PALM2AKAP2: variants seen among roughly 807,000 people sequenced by gnomAD.
PALM2AKAP2 encodes PALM2 and AKAP2 fusion, also known as PALM2-AKAP2 fusion protein.
A neutral mutation model predicts 71.5 loss-of-function variants in PALM2AKAP2; 37 were observed. The ratio of observed to expected loss-of-function variants is 0.52; its 90% confidence interval spans 0.40 to 0.68. The LOEUF (loss-of-function observed/expected upper bound fraction) is 0.68. Ranked by LOEUF, PALM2AKAP2 falls within the 30% of genes least tolerant of loss-of-function variation. The pLI is 0.00. For synonymous variants in PALM2AKAP2, 468 were observed against 478.8 expected, an observed-to-expected ratio of 0.98 and a Z score of 0.29; for missense variants, 1,224 against 1,191.8, an observed-to-expected ratio of 1.03 and a Z score of -0.40.
At chr9:110,023,767 G>A (rs1833122255) in intron 7 of PALM2AKAP2, among the ~76,000 whole-genome samples, 1 of 151,894 alleles carries the variant, frequency 6.6e-6, no homozygotes, top group Admixed American at 6.6e-5. Flanking sequence ...CAAGGTGGGT[G>A]GATCGCTTGA....
chr9:109,730,482 C>T (rs1828539927), intron 1 of PALM2AKAP2, among the ~76,000 whole-genome samples: 1 of 152,154 alleles, frequency 6.6e-6, no homozygotes, highest in Non-Finnish European at 1.5e-5. Context: ...CCTGAGGCTG[C>T]ATCACTGGGA....
At chr9:110,052,297 T>C (rs1173579604) in intron 1 of PALM2AKAP2, among the ~76,000 whole-genome samples, 3 of 152,216 alleles carry the variant, frequency 2.0e-5, no homozygotes, top group Non-Finnish European at 4.4e-5. Context: ...GTTTCTCTCA[T>C]TGGCATGAGC....
At chr9:110,037,973 C>G (rs1833442775) in intron 7 of PALM2AKAP2, among the ~76,000 whole-genome samples, 1 of 152,056 alleles carries the variant, frequency 6.6e-6, no homozygotes, top group Non-Finnish European at 1.5e-5. Context: ...GGGATCAAGC[C>G]CAAGTCATTG....
chr9:110,054,546 A>G (rs745501530), intron 1 of PALM2AKAP2, among the ~76,000 whole-genome samples: 1 of 152,208 alleles, frequency 6.6e-6, no homozygotes, highest in African/African-American at 2.4e-5. Context: ...GATGCAAATG[A>G]TAAGTAAATA....
chr9:109,768,724 G>A (rs1323917973), intron 1 of PALM2AKAP2, among the ~76,000 whole-genome samples: 1 of 152,182 alleles, frequency 6.6e-6, no homozygotes, highest in Admixed American at 6.5e-5. Flanking sequence ...GATAATAATA[G>A]TGCTACTCTC....
intron 1 of PALM2AKAP2, among the ~76,000 whole-genome samples, chr9:109,793,932 A>G (rs1384689811): frequency 6.6e-6 from 1 of 152,210 alleles, no homozygotes; most frequent in Non-Finnish European, 1.5e-5. Flanking sequence ...TAATTAAAAC[A>G]GAGACTCTAT....
rs145813966 is a variant in PALM2AKAP2 at position 109,752,410 on chromosome 9, C to G, written c.6-28078C>G. Among the ~76,000 whole-genome samples, 48 of 152,242 alleles carry G rather than the reference C, an allele frequency of 3.2e-4. No homozygotes were observed. The East Asian group carries it at 9.1e-3, about 29-fold the overall frequency. ...GGATGGGTCCTGAGAGTCTGCATTT[C>G]TAAGGAGCTCCCATGTGAGGCCAAT... On this transcript the variant is annotated intron_variant, in intron 1 of 6. Coordinates refer to the PALM2AKAP2 transcript ENST00000374531.
intron 1 of PALM2AKAP2, among the ~76,000 whole-genome samples, chr9:109,859,275 G>A (rs1377747137): frequency 1.3e-5 from 2 of 152,214 alleles, no homozygotes; most frequent in South Asian, 2.1e-4. Flanking sequence ...GTGGAGAAGG[G>A]AGTGTGTGTA....
At chr9:109,766,780 G>A (rs1166106194) in intron 1 of PALM2AKAP2, among the ~76,000 whole-genome samples, 2 of 152,142 alleles carry the variant, frequency 1.3e-5, no homozygotes, top group Non-Finnish European at 2.9e-5. Flanking sequence ...ACCTTCTCAT[G>A]AACCCCATAA....
At chr9:109,948,307 C>T (rs1324006980) in intron 6 of PALM2AKAP2, among the ~76,000 whole-genome samples, 7 of 152,162 alleles carry the variant, frequency 4.6e-5, no homozygotes, top group Admixed American at 2.6e-4. Context: ...GCTCCTTAGA[C>T]CAGCTTCCCC....
At position 110,156,692 on chromosome 9, in the gene PALM2AKAP2, G is replaced by T. The variant is rs187634510; in HGVS notation, c.2748+195G>T. On this transcript the variant is annotated intron_variant, in intron 3 of 3. Coordinates refer to ENST00000374525, the Ensembl canonical transcript of PALM2AKAP2. ...TTGCCTGTTTCAAAAAAAAATTGTT[G>T]ATCTTGCAGGGAGCTGGTCCTTTGC... Among the ~76,000 whole-genome samples, 308 of 152,252 alleles carry T rather than the reference G, an allele frequency of 2.0e-3. 1 individual carries two copies. Among genetic ancestry groups the T allele is most frequent in the Middle Eastern group, 6.8e-3 (2 of 294 alleles).
chr9:109,651,554 A>T (rs2132232942), intron 1 of PALM2AKAP2, among the ~76,000 whole-genome samples: 2 of 152,290 alleles, frequency 1.3e-5, no homozygotes, highest in South Asian at 4.2e-4. Flanking sequence ...ACAGCATGTG[A>T]GGATAGAAGC....
exon 2 of PALM2AKAP2, chr9:110,136,536 C>T: frequency 6.2e-7 from 1 of 1,613,542 alleles, no homozygotes; most frequent in East Asian, 2.2e-5. Flanking sequence ...GCGACCCAGC[C>T]AGAACCCACT....
intron 3 of PALM2AKAP2, among the ~76,000 whole-genome samples, chr9:110,164,438 G>A (rs988661349): frequency 6.6e-6 from 1 of 151,998 alleles, no homozygotes; most frequent in Non-Finnish European, 1.5e-5. Flanking sequence ...AATATTAAAG[G>A]GTTGTTGAGA....
chr9:110,048,989 T>C, intron 1 of PALM2AKAP2: 1 of 1,186,802 alleles, frequency 8.4e-7, no homozygotes, highest in South Asian at 1.7e-5. Flanking sequence ...TTTAAAGGGC[T>C]TTTTGTGGTC....
intron 1 of PALM2AKAP2, among the ~76,000 whole-genome samples, chr9:109,816,563 C>T (rs73655512): frequency 8.6e-4 from 131 of 152,242 alleles, no homozygotes; most frequent in African/African-American, 2.7e-3. Flanking sequence ...GAGTGCAGAT[C>T]GTTGAGGAGA....
chr9:109,672,375 T>C (rs1827586623), intron 1 of PALM2AKAP2, among the ~76,000 whole-genome samples: 1 of 152,194 alleles, frequency 6.6e-6, no homozygotes, highest in Non-Finnish European at 1.5e-5. Flanking sequence ...GGTTTTTGTC[T>C]TTAATTCTGT....
intron 1 of PALM2AKAP2, among the ~76,000 whole-genome samples, chr9:110,061,129 G>A (rs899964312): frequency 6.6e-6 from 1 of 152,110 alleles, no homozygotes; most frequent in African/African-American, 2.4e-5. Context: ...GTCACCTCTT[G>A]CAAGATCCAC....
At chr9:110,039,349 T>G (rs565531403) in intron 7 of PALM2AKAP2, among the ~76,000 whole-genome samples, 8 of 152,260 alleles carry the variant, frequency 5.3e-5, no homozygotes, top group African/African-American at 1.7e-4. Flanking sequence ...CAAGAAAAAT[T>G]TTTTTTGATA....
Sources: gnomAD v4.1 joint callset for allele counts (sites outside exome capture counted in the v4.1 genomes callset) on GRCh38, gnomAD v4.1.1 for gene constraint, MANE v1.5 for transcripts, NCBI Gene and HGNC (gene_info 2026-07-23, HGNC 2026-07-21) for gene names.